Variants in LDB1 observed in about 807,000 individuals in gnomAD.
LDB1 encodes LIM domain binding 1.
In LDB1, 6 loss-of-function variants were observed where a neutral mutation model predicts 49.7. The ratio of observed to expected loss-of-function variants is 0.12; its 90% CI spans 0.07 to 0.24. The LOEUF (loss-of-function observed/expected upper bound fraction) is 0.24. Among genes scored for constraint, LDB1 ranks in the 10% least tolerant of loss-of-function variants. The pLI, the probability that LDB1 is intolerant of heterozygous loss-of-function variation, is 1.00. For synonymous variants in LDB1, 233 were observed against 202.0 expected (o/e 1.15, Z -1.30); for missense variants, 341 against 561.7 (o/e 0.61, Z 3.97).
In LDB1 at chr10:102,109,344, C is replaced by T. The variant is rs532419769; in HGVS notation, c.856+40G>A. On this transcript the variant is annotated intron_variant, in intron 9 of 10. Coordinates refer to ENST00000673968, the MANE Select transcript of LDB1 (RefSeq NM_001113407.3). The surrounding 1 kb of genome is among the most constrained non-coding windows in gnomAD (Gnocchi z 5.8). ...GAAATAAAGATACAGCTTTGGGGAG[C>T]GGTGTGAGATCCTGGTAAGAGCAGG... 32 of 1,612,184 alleles carry T rather than the reference C, an allele frequency of 2.0e-5. No homozygotes were observed. The East Asian group carries it at 3.8e-4, about 19-fold the overall frequency.
chr10:102,111,561 A>G (rs1021738863), intron 1 of LDB1, 25 bp from the exon 2 acceptor site: 1 of 1,427,120 alleles, frequency 7.0e-7, no homozygotes, highest in Non-Finnish European at 9.5e-7. Context: ...AAGGAGTCAT[A>G]GCTGGGCGCG....
chr10:102,114,635 TGGGCCGG>T (rs1391805759), intron 1 of LDB1: 10 of 934,476 alleles, frequency 1.1e-5, no homozygotes, highest in Admixed American at 1.3e-4. Context: ...CAATGGCCAC[TGGGCCGG>T]GGGCCGGGGG....
rs1164083234 is a variant in LDB1, at chr10:102,111,114, G to C, written c.204C>G (p.Asp68Glu). 6.2e-7 allele frequency: 1 copy of C among 1,614,138 alleles called. No individual in the cohort carries two copies. The highest frequency in any genetic ancestry group is 1.7e-5 in the Admixed American group (1 of 60,026). The change falls in exon 4 of 11, where the codon GAC becomes GAG. Residue 68 changes from aspartate (D) to glutamate (E), a missense_variant. By Grantham distance (45) the Asp-to-Glu change is conservative. Coordinates refer to ENST00000673968, the MANE Select transcript of LDB1 (RefSeq NM_001113407.3). ...GTTTGTTAAGCTCAAATATTCTGTA[G>C]TCAGTTTGGTTGCCATATGGTGTGT... The part of the protein sequence containing the change: ...GRHTPYGNQT[D>E]YRIFELNKRL...
At chr10:102,114,566 A>C (rs2068305384) in intron 1 of LDB1, 2 of 985,540 alleles carry the variant, frequency 2.0e-6, no homozygotes, top group Non-Finnish European at 2.4e-6. Flanking sequence ...GGCCGCACAA[A>C]GACTCGCACG....
At chr10:102,113,970 G>T (rs1178416146) in intron 1 of LDB1, among the ~76,000 whole-genome samples, 1 of 152,178 alleles carries the variant, frequency 6.6e-6, no homozygotes, top group Non-Finnish European at 1.5e-5. Context: ...AGTGAGTAGA[G>T]AAGGGGAGGG....
downstream of LDB1, among the ~76,000 whole-genome samples, chr10:102,104,301 C>T (rs932285697): frequency 1.3e-5 from 2 of 152,066 alleles, no homozygotes; most frequent in East Asian, 1.9e-4. Context: ...TCAGACTATC[C>T]GAATGAATTA....
At chr10:102,105,903 G>A (rs2068154586), downstream of LDB1, among the ~76,000 whole-genome samples, 1 of 152,030 alleles carries the variant, frequency 6.6e-6, no homozygotes, top group African/African-American at 2.4e-5. Flanking sequence ...CTTGAACCCA[G>A]GAAGTGGAGG....
chr10:102,114,812 G>GGCCC, intron 1 of LDB1: 45 of 929,786 alleles, frequency 4.8e-5, no homozygotes, highest in Non-Finnish European at 5.6e-5. Context: ...CCTCCGAGCA[G>GGCCC]CCCGCCCGCC....
At position 102,107,634 on chromosome 10, in the gene LDB1, G is replaced by A. The variant is rs1046399; in HGVS notation, c.*459C>T. On this transcript the variant is annotated 3_prime_UTR_variant, in exon 11 of 11. Coordinates refer to ENST00000673968, the MANE Select transcript of LDB1 (RefSeq NM_001113407.3). ...GAGCTGGGATAAGTGGCAGCAGGGA[G>A]GAGGGGCCCAGAGCTTTACCCCTCT... 14,545 of 156,832 alleles carry A rather than the reference G, an allele frequency of 0.093. 1,745 individuals carry two copies. The highest frequency in any genetic ancestry group is 0.29 in the African/African-American group (11,910 of 41,486). 9.7% of individuals were successfully genotyped at this position (156,832 alleles called of 1,614,324 possible). A position where few individuals can be genotyped will look rare whatever the true frequency, so the allele number is the denominator to read the frequency against.
rs2068214510 is a variant in LDB1 at position 102,109,230 on chromosome 10, T to C, written c.857-53A>G. The C allele has an allele frequency of 6.2e-7, 1 of 1,610,676 alleles. No homozygotes were observed. Among genetic ancestry groups the C allele is most frequent in the African/African-American group, 1.3e-5 (1 of 74,832 alleles). On this transcript the variant is annotated intron_variant, in intron 9 of 10. Transcript: ENST00000673968. The surrounding 1 kb of genome is among the most constrained non-coding windows in gnomAD (Gnocchi z 5.8). The stretch of plus-strand genomic sequence containing the variant: ...GGAGAGGGCCCCAGGTCCCCTATTC[T>C]CCATTGTGGCTCCCAAGGAGCATGA...
rs1469400898 is a variant in LDB1, at chr10:102,109,056, G to A, written c.978C>T (p.Ser326=). 6.2e-7 allele frequency: 1 copy of A among 1,614,252 alleles called. No homozygotes were observed. The highest frequency in any genetic ancestry group is 1.1e-5 in the South Asian group (1 of 91,086). The change falls in exon 10 of 11, where the codon AGC becomes AGT. Residue 326 remains serine (S), a synonymous_variant. Transcript: ENST00000673968. This position sits in a 1 kb window ranked among gnomAD's most constrained non-coding sequence, Gnocchi z 5.8. The part of the protein sequence containing the change: ...NSNSKKKSPA[S]TFALSSQVPD... ...GTACCTGGCTGGAGAGGGCGAAGGT[G>A]CTAGCTGGGCTCTTCTTCTTGCTGT...
At chr10:102,120,759 C>T (rs2068410147), upstream of LDB1, among the ~76,000 whole-genome samples, 2 of 152,102 alleles carry the variant, frequency 1.3e-5, no homozygotes, top group African/African-American at 2.4e-5. Context: ...GTCCGTCCTC[C>T]GGGTGCCGCC....
chr10:102,120,445 C>T (rs1225286034), upstream of LDB1: 18 of 968,470 alleles, frequency 1.9e-5, no homozygotes, highest in Non-Finnish European at 2.2e-5. Context: ...GCCCCCCTCT[C>T]CGCCCTCGCG....
downstream of LDB1, among the ~76,000 whole-genome samples, chr10:102,105,319 G>C (rs1219122380): frequency 6.6e-6 from 1 of 152,258 alleles, no homozygotes; most frequent in East Asian, 1.9e-4. Context: ...TGAGAAGCTG[G>C]GCTGGCAGCA....
Position 102,108,052 on chromosome 10 carries a change from G to A in LDB1, c.*41C>T. 1.4e-6 allele frequency: 2 copies of A among 1,452,824 alleles called. No individual in the cohort carries two copies. Among genetic ancestry groups the A allele is most frequent in the Non-Finnish European group, 1.9e-6 (2 of 1,036,318 alleles). The allele number at this position is 1,452,824 out of a possible 1,614,324, so 90.0% of individuals were successfully genotyped here. Reference sequence around the variant, plus strand: ...CTGCTCCCTGGGGCTGTGAGGGGTGGGGCAGGTAGGCAGAGCACTGGGTGG... The same window carrying A: ...CTGCTCCCTGGGGCTGTGAGGGGTGAGGCAGGTAGGCAGAGCACTGGGTGG... On this transcript the variant is annotated 3_prime_UTR_variant, in exon 11 of 11. Coordinates refer to ENST00000673968, the MANE Select transcript of LDB1 (RefSeq NM_001113407.3).
At position 102,109,633 on chromosome 10, in the gene LDB1, A is replaced by G. The variant is rs752427202; in HGVS notation, c.699T>C (p.Cys233=). The change falls in exon 8 of 11, where the codon TGT becomes TGC. Residue 233 remains cysteine (C), a synonymous_variant. Transcript: ENST00000673968. The surrounding 1 kb of genome is among the most constrained non-coding windows in gnomAD (Gnocchi z 5.8). ...LDQLSKNITR[C]GLSNSTLNYL... is the part of the protein sequence containing the mutation. ...AGTTGAGAGTGGAATTGGACAGCCCACACCGAGTGATGTTTTTGGAGAGCT... is the reference window on the plus strand; with the variant it reads ...AGTTGAGAGTGGAATTGGACAGCCCGCACCGAGTGATGTTTTTGGAGAGCT... The G allele has an allele frequency of 1.2e-6, 2 of 1,614,120 alleles. No individual in the cohort carries two copies. The highest frequency in any genetic ancestry group is 8.5e-7 in the Non-Finnish European group (1 of 1,180,014).
chr10:102,114,865 G>T lies in LDB1; in HGVS notation c.26-3329C>A. On this transcript the variant is annotated intron_variant, in intron 1 of 10. Coordinates refer to ENST00000673968, the MANE Select transcript of LDB1 (RefSeq NM_001113407.3). ...CCCCTCTGCTGGGGGCACCAGGAGA[G>T]GCAGGACCCGGCACTCACACTCACT... The T allele has an allele frequency of 4.1e-6, 4 of 980,722 alleles. No individual in the cohort carries two copies. In the South Asian group the frequency reaches 1.9e-4, roughly 47 times the overall value. The allele number at this position is 980,722 out of a possible 1,614,324, so 60.8% of individuals were successfully genotyped here.
intron 10 of LDB1, 68 bp from the exon 11 acceptor site, chr10:102,108,391 C>T: frequency 8.3e-7 from 1 of 1,211,448 alleles, no homozygotes; most frequent in Non-Finnish European, 1.2e-6. Flanking sequence ...CGGCAGATAC[C>T]CCCAGAGCCC....
chr10:102,108,154 C>G lies in LDB1; in HGVS notation c.1175G>C (p.Ser392Thr), dbSNP rs1378861409. Residue 392 changes from serine to threonine, a missense_variant, in exon 11 of 11, where the codon AGC becomes ACC. By Grantham distance (58) the Ser-to-Thr change is moderately conservative. Transcript: ENST00000673968. The part of the protein sequence containing the change: ...PALGANSPWN[S>T]KPPSSQESKS... The stretch of plus-strand genomic sequence containing the variant: ...GCTTTCTTGGCTGGACGGAGGCTTG[C>G]TGTTCCAGGGGCTGTTGGCGCCCAG... 4 of 1,614,038 alleles carry G rather than the reference C, an allele frequency of 2.5e-6. No homozygotes were observed. In the African/African-American group the frequency reaches 5.3e-5, roughly 22 times the overall value.
Sources: gnomAD v4.1 joint callset for allele counts (sites outside exome capture counted in the v4.1 genomes callset) on GRCh38, gnomAD v4.1.1 for gene constraint, Gnocchi (gnomAD v3.1) non-coding constraint, MANE v1.5 for transcripts, NCBI Gene and HGNC (gene_info 2026-07-23, HGNC 2026-07-21) for gene names.